Variants in ANKRD33 observed in about 807,000 individuals in gnomAD.
ANKRD33 encodes the protein photoreceptor ankyrin repeat protein.
Under a neutral mutation model 20.6 loss-of-function variants are expected in ANKRD33, and 20 were observed. The observed-to-expected ratio is 0.97, with a 90% CI of 0.68 to 1.41. ANKRD33 has a LOEUF of 1.41. ANKRD33 is among the 40% of genes most tolerant of loss of function. ANKRD33 has a pLI of 0.00. For synonymous variants in ANKRD33, 246 were observed against 245.0 expected (o/e 1.00, Z -0.04); for missense variants, 545 against 579.6 (o/e 0.94, Z 0.61).
intron 4 of ANKRD33, 126 bp downstream of exon 4, chr12:51,889,608 G>C: frequency 1.4e-6 from 2 of 1,456,526 alleles, no homozygotes; most frequent in Non-Finnish European, 1.8e-6. Flanking sequence ...GCAGAAAGGA[G>C]AGAGGTGGAG....
chr12:51,888,430 T>G, intron 1 of ANKRD33, 99 bp downstream of exon 1: 1 of 1,581,854 alleles, frequency 6.3e-7, no homozygotes, highest in Non-Finnish European at 8.6e-7. Context: ...CGCTTGTCCT[T>G]TCTCAGGGTG....
At chr12:51,888,538 C>G in intron 1 of ANKRD33, 30 bp from the exon 2 acceptor site, 1 of 1,544,288 alleles carries the variant, frequency 6.5e-7, no homozygotes, top group Non-Finnish European at 8.7e-7. Context: ...CAGGGAGACA[C>G]TCACTACTCC....
chr12:51,891,411 A>T lies in ANKRD33; in HGVS notation c.*106A>T. ...CTCCCCATCCACCTCTGCCTAAGTA[A>T]ATCTGCTCTCAACCTATATATATAC... is the stretch of plus-strand genomic sequence containing the variant. On this transcript the variant is annotated 3_prime_UTR_variant, in exon 5 of 5. Transcript: ENST00000301190. 1 of 1,453,854 alleles carries T rather than the reference A, an allele frequency of 6.9e-7. No individual in the cohort carries two copies. The highest frequency in any genetic ancestry group is 9.1e-7 in the Non-Finnish European group (1 of 1,100,514). The allele number at this position is 1,453,854 out of a possible 1,614,324, so 90.1% of individuals were successfully genotyped here.
rs771237309 is a variant in ANKRD33 at position 51,890,970 on chromosome 12, G to A, written c.1024G>A (p.Val342Met). 46 of 1,613,410 alleles carry A rather than the reference G, an allele frequency of 2.9e-5. No homozygotes were observed. The highest frequency in any genetic ancestry group is 8.0e-5 in the African/African-American group (6 of 74,918). The change falls in exon 5 of 5, where the codon GTG (valine) becomes ATG (methionine). Residue 342 changes from valine to methionine, a missense_variant. By Grantham distance (21) the Val-to-Met change is conservative. Coordinates refer to ENST00000301190, the MANE Select transcript of ANKRD33 (RefSeq NM_182608.4). ...TTCGCTGGGCACCCGAAGCAAGTCC[G>A]TGCCAGAGCTGTTAGGTACTGCCCC... ...PPSLGTRSKS[V>M]PELLGTAPPP... is the part of the protein sequence containing the mutation.
chr12:51,891,486 C>T lies in ANKRD33; in HGVS notation c.*181C>T. 1 of 1,080,658 alleles carries T rather than the reference C, an allele frequency of 9.3e-7. No individual in the cohort carries two copies. The highest frequency in any genetic ancestry group is 1.3e-6 in the Non-Finnish European group (1 of 777,442). The allele number at this position is 1,080,658 out of a possible 1,614,324, so 66.9% of individuals were successfully genotyped here. ...TGCAAGAGTGAAAGAGTGGAAACACCCGAAGTGTCCATCAGTAAGGGACAG... is the reference window on the plus strand; with the variant it reads ...TGCAAGAGTGAAAGAGTGGAAACACTCGAAGTGTCCATCAGTAAGGGACAG... On this transcript the variant is annotated 3_prime_UTR_variant, in exon 5 of 5. Coordinates refer to ENST00000301190, the MANE Select transcript of ANKRD33 (RefSeq NM_182608.4).
intron 4 of ANKRD33, chr12:51,889,895 C>T (rs1330931160): frequency 8.6e-6 from 2 of 231,512 alleles, no homozygotes; most frequent in Non-Finnish European, 1.7e-5. Context: ...CCAACTCTGA[C>T]AAGCCAGGCT....
At position 51,888,351 on chromosome 12, in the gene ANKRD33, C is replaced by G; in HGVS notation, c.145+20C>G. ...CCCCAAGTAAGAAAAAACGACGACC[C>G]TCTCTCCGTGAGTCTCACTGGGGTG... On this transcript the variant is annotated intron_variant, in intron 1 of 4. Transcript: ENST00000301190. The G allele has an allele frequency of 6.2e-7, 1 of 1,613,800 alleles. No individual in the cohort carries two copies. Among genetic ancestry groups the G allele is most frequent in the Non-Finnish European group, 8.5e-7 (1 of 1,179,980 alleles).
In ANKRD33 at chr12:51,891,010, T is replaced by C; in HGVS notation, c.1064T>C (p.Val355Ala). The change falls in exon 5 of 5, where the codon GTT becomes GCT. Residue 355 changes from valine (V) to alanine (A), a missense_variant. By Grantham distance (64) the Val-to-Ala change is moderately conservative. Coordinates refer to ENST00000301190, the MANE Select transcript of ANKRD33 (RefSeq NM_182608.4). ...GGTACTGCCCCGCCCCCTCCCCTGG[T>C]TCCCCAGTCCCCGCCAGGGAGTCCC... is the stretch of plus-strand genomic sequence containing the variant. ...LLGTAPPPPL[V>A]PQSPPGSPQR... The C allele has an allele frequency of 1.2e-6, 2 of 1,612,834 alleles. No homozygotes were observed. Among genetic ancestry groups the C allele is most frequent in the African/African-American group, 2.7e-5 (2 of 74,736 alleles).
At position 51,890,848 on chromosome 12, in the gene ANKRD33, A is replaced by AG. The variant is rs773940185; in HGVS notation, c.908dup (p.Val304CysfsTer27). 9.3e-6 allele frequency: 15 copies of AG among 1,612,436 alleles called. No individual in the cohort carries two copies. Among genetic ancestry groups the AG allele is most frequent in the African/African-American group, 1.3e-5 (1 of 74,832 alleles). On this transcript the variant is annotated frameshift_variant, in exon 5 of 5. Transcript: ENST00000301190. LOFTEE classifies it low-confidence loss of function (END_TRUNC). ...CTCCCCTTTGCCCCGTCTCCTCAGG[A>AG]GGGGGGTGTTCTGGACCACCTTGTG...
chr12:51,889,052 C>T lies in ANKRD33; in HGVS notation c.397-15C>T, dbSNP rs761173791. On this transcript the variant is annotated splice_polypyrimidine_tract_variant and intron_variant, in intron 2 of 4. Transcript: ENST00000301190. Reference sequence around the variant, plus strand: ...CCAGGGGGAAAGCAGGGGATCTGAGCTGCCCCTCCCTCAGACAGGCCTCAT... The same window carrying T: ...CCAGGGGGAAAGCAGGGGATCTGAGTTGCCCCTCCCTCAGACAGGCCTCAT... 3.7e-6 allele frequency: 6 copies of T among 1,613,918 alleles called. No individual in the cohort carries two copies. Among genetic ancestry groups the T allele is most frequent in the Non-Finnish European group, 4.2e-6 (5 of 1,179,942 alleles).
rs1432695412 is a variant in ANKRD33 at position 51,891,166 on chromosome 12, C to A, written c.1220C>A (p.Ala407Glu). The change falls in exon 5 of 5, where the codon GCA becomes GAA. Residue 407 changes from alanine to glutamate, a missense_variant. By Grantham distance (107) the Ala-to-Glu change is moderately radical. Transcript: ENST00000301190. ...GTCCCCAAGATCCTCCTCTCCAAGG[C>A]ATCCTCATCCTCCCACCAGTGCCAG... ...PQVPKILLSKASSSSHQCQPK... is the reference protein window; with the variant it reads ...PQVPKILLSKESSSSHQCQPK... 5.6e-6 allele frequency: 9 copies of A among 1,614,142 alleles called. No individual in the cohort carries two copies. The highest frequency in any genetic ancestry group is 7.6e-6 in the Non-Finnish European group (9 of 1,180,058).
At position 51,891,549 on chromosome 12, in the gene ANKRD33, A is replaced by G. The variant is rs1462844190; in HGVS notation, c.*244A>G. 2 of 615,592 alleles carry G rather than the reference A, an allele frequency of 3.2e-6. No individual in the cohort carries two copies. Among genetic ancestry groups the G allele is most frequent in the Admixed American group, 3.0e-5 (1 of 33,212 alleles). The allele number at this position is 615,592 out of a possible 1,614,324, so 38.1% of individuals were successfully genotyped here. A position where few individuals can be genotyped will look rare whatever the true frequency, so the allele number is the denominator to read the frequency against. On this transcript the variant is annotated 3_prime_UTR_variant, in exon 5 of 5. Coordinates refer to ENST00000301190, the MANE Select transcript of ANKRD33 (RefSeq NM_182608.4). ...ACGGATGTAATTGCTGTCCATCCAT[A>G]CAGAGCATACTCTACAGTGTATTCT...
chr12:51,889,361 C>G lies in ANKRD33; in HGVS notation c.527-11C>G, dbSNP rs1940332257. 6.2e-7 allele frequency: 1 copy of G among 1,613,330 alleles called. No homozygotes were observed. Among genetic ancestry groups the G allele is most frequent in the African/African-American group, 1.3e-5 (1 of 75,052 alleles). ...TTCCTGGGGACCAAGCTTACCCTTG[C>G]TGCCCTGCAGGCCACGTGCCTCTAG... On this transcript the variant is annotated splice_polypyrimidine_tract_variant and intron_variant, in intron 3 of 4. Coordinates refer to ENST00000301190, the MANE Select transcript of ANKRD33 (RefSeq NM_182608.4).
Position 51,889,083 on chromosome 12 carries a change from C to G in ANKRD33, c.413C>G (p.Ala138Gly). 6.2e-7 allele frequency: 1 copy of G among 1,614,174 alleles called. No homozygotes were observed. The highest frequency in any genetic ancestry group is 8.5e-7 in the Non-Finnish European group (1 of 1,180,014). Residue 138 changes from alanine (A) to glycine (G), a missense_variant, in exon 3 of 5, where the codon GCA becomes GGA. Coordinates refer to ENST00000301190, the MANE Select transcript of ANKRD33 (RefSeq NM_182608.4). ...DSNGRTGLMV[A>G]CYHGFQSVVA... ...CTCCCTCAGACAGGCCTCATGGTCG[C>G]ATGCTACCACGGCTTCCAGAGTGTT...
chr12:51,890,996 G>T lies in ANKRD33; in HGVS notation c.1050G>T (p.Pro350=). ...KSVPELLGTA[P]PPPLVPQSPP... Reference sequence around the variant, plus strand: ...TGCCAGAGCTGTTAGGTACTGCCCCGCCCCCTCCCCTGGTTCCCCAGTCCC... The same window carrying T: ...TGCCAGAGCTGTTAGGTACTGCCCCTCCCCCTCCCCTGGTTCCCCAGTCCC... Residue 350 remains proline, a synonymous_variant, in exon 5 of 5, where the codon CCG becomes CCT. Coordinates refer to ENST00000301190, the MANE Select transcript of ANKRD33 (RefSeq NM_182608.4). The T allele has an allele frequency of 6.2e-7, 1 of 1,612,884 alleles. No individual in the cohort carries two copies. Among genetic ancestry groups the T allele is most frequent in the Non-Finnish European group, 8.5e-7 (1 of 1,179,758 alleles).
At position 51,888,648 on chromosome 12, in the gene ANKRD33, C is replaced by T. The variant is rs770067521; in HGVS notation, c.226C>T (p.Leu76=). ...AGAGCTGGCATTGCACAGGAGACGG[C>T]TGGACATGTCTGAGGCACTGCCCTG... is the stretch of plus-strand genomic sequence containing the variant. ...EEELALHRRR[L]DMSEALPCPG... Residue 76 remains leucine, a synonymous_variant, in exon 2 of 5, where the codon CTG becomes TTG. Coordinates refer to ENST00000301190, the MANE Select transcript of ANKRD33 (RefSeq NM_182608.4). The T allele has an allele frequency of 1.9e-6, 3 of 1,606,790 alleles. No homozygotes were observed. The highest frequency in any genetic ancestry group is 2.6e-6 in the Non-Finnish European group (3 of 1,176,336).
chr12:51,889,651 G>GT (rs1018320561), intron 4 of ANKRD33, 169 bp downstream of exon 4: 2 of 1,276,758 alleles, frequency 1.6e-6, no homozygotes, highest in African/African-American at 3.0e-5. Context: ...CTTCCTGGAG[G>GT]GGGGGGCACA....
rs776330102 is a variant in ANKRD33 at position 51,888,209 on chromosome 12, C to A, written c.23C>A (p.Thr8Asn). Residue 8 changes from threonine (T) to asparagine (N), a missense_variant, in exon 1 of 5, where the codon ACC becomes AAC. Physicochemically the swap from Thr to Asn is moderately conservative, Grantham distance 65. Transcript: ENST00000301190. MKVQPSVTCVASWGGIVH... is the reference protein window; with the variant it reads MKVQPSVNCVASWGGIVH... ...TTTATGAAAGTCCAGCCATCTGTTACCTGCGTTGCTTCCTGGGGAGGGATA... is the reference window on the plus strand; with the variant it reads ...TTTATGAAAGTCCAGCCATCTGTTAACTGCGTTGCTTCCTGGGGAGGGATA... The A allele has an allele frequency of 6.2e-7, 1 of 1,614,066 alleles. No homozygotes were observed. The highest frequency in any genetic ancestry group is 1.3e-5 in the African/African-American group (1 of 74,942).
rs1940297811 is a variant in ANKRD33 at position 51,888,610 on chromosome 12, G to A, written c.188G>A (p.Cys63Tyr). Reference sequence around the variant, plus strand: ...AAAGGGACTCACCTTCTGGTTCCCTGCCTGGAAGAGGAAGAGCTGGCATTG... The same window carrying A: ...AAAGGGACTCACCTTCTGGTTCCCTACCTGGAAGAGGAAGAGCTGGCATTG... ...MRKGTHLLVP[C>Y]LEEEELALHR... Residue 63 changes from cysteine (C) to tyrosine (Y), a missense_variant, in exon 2 of 5, where the codon TGC becomes TAC. By Grantham distance (194) the Cys-to-Tyr change is radical. Coordinates refer to ENST00000301190, the MANE Select transcript of ANKRD33 (RefSeq NM_182608.4). 6.4e-7 allele frequency: 1 copy of A among 1,573,546 alleles called. No homozygotes were observed. Among genetic ancestry groups the A allele is most frequent in the South Asian group, 1.2e-5 (1 of 85,510 alleles).
Sources: gnomAD v4.1 joint callset for allele counts on GRCh38, gnomAD v4.1.1 for gene constraint, MANE v1.5 for transcripts, NCBI Gene and HGNC (gene_info 2026-07-23, HGNC 2026-07-21) for gene names.